Variants in UGT1A7 observed in about 807,000 individuals in gnomAD.
UGT1A7 encodes the protein UDP-glucuronosyltransferase 1A7.
UGT1A7 carries 33 observed loss-of-function variants against 45.6 expected under a neutral mutation model. The observed-to-expected ratio is 0.72, with a 90% CI of 0.55 to 0.97. UGT1A7 has a LOEUF of 0.97. Ranked by LOEUF, UGT1A7 falls within the 50% of genes least tolerant of loss-of-function variation. The pLI is 0.00. For missense variants in UGT1A7, 684 were observed against 666.2 expected (o/e 1.03, Z -0.29); for synonymous variants, 274 against 250.6 (o/e 1.09, Z -0.88).
At chr2:233,752,348 A>G (rs1694949264) in intron 1 of UGT1A7, 1 of 152,154 alleles carries the variant, frequency 6.6e-6, no homozygotes, top group South Asian at 2.1e-4. Context: ...CATGGAGGAA[A>G]TTCATTTTAG....
intron 1 of UGT1A7, chr2:233,713,275 G>A (rs1268736008): frequency 6.2e-7 from 1 of 1,614,224 alleles, no homozygotes; most frequent in South Asian, 1.1e-5. Flanking sequence ...CTTTTGCTGG[G>A]TCACACTCAA....
chr2:233,693,483 C>G, intron 1 of UGT1A7: 1 of 1,614,168 alleles, frequency 6.2e-7, no homozygotes, highest in Non-Finnish European at 8.5e-7. Flanking sequence ...GTGATCCTGG[C>G]TGAGTATTTG....
chr2:233,753,153 C>A (rs1198607979), intron 1 of UGT1A7: 1 of 152,212 alleles, frequency 6.6e-6, no homozygotes, highest in Non-Finnish European at 1.5e-5. Context: ...CATGTAAGTT[C>A]CCTTATCCGG....
chr2:233,765,140 A>C lies in UGT1A7; in HGVS notation c.856-1894A>C, dbSNP rs1698761038. 3.3e-5 allele frequency among the ~76,000 whole-genome samples: 5 copies of C among 152,146 alleles called. No individual in the cohort carries two copies. In the South Asian group the frequency reaches 1.0e-3, roughly 32 times the overall value. ...TGTTCAGGTTTTAGCACTGAACATCACATGTCCTAGGGAACCCCTCAGTTT... is the reference window on the plus strand; with the variant it reads ...TGTTCAGGTTTTAGCACTGAACATCCCATGTCCTAGGGAACCCCTCAGTTT... On this transcript the variant is annotated intron_variant, in intron 1 of 4. Transcript: ENST00000373426.
chr2:233,710,344 G>A (rs1349376826), intron 1 of UGT1A7, among the ~76,000 whole-genome samples: 2 of 152,226 alleles, frequency 1.3e-5, no homozygotes, highest in African/African-American at 2.4e-5. Context: ...CAGTCGAACT[G>A]TTTCCAAAGC....
chr2:233,731,908 A>T (rs2078219373), intron 1 of UGT1A7, among the ~76,000 whole-genome samples: 1 of 152,202 alleles, frequency 6.6e-6, no homozygotes, highest in African/African-American at 2.4e-5. Flanking sequence ...CCAATGGTGT[A>T]AAAGTGTTCC....
At chr2:233,692,695 T>A in intron 1 of UGT1A7, 1 of 372,950 alleles carries the variant, frequency 2.7e-6, no homozygotes, top group Non-Finnish European at 3.7e-6. Context: ...CTCAGGGGTC[T>A]CTCCAAGTCA....
intron 1 of UGT1A7, chr2:233,753,428 T>C (rs1420824589): frequency 6.6e-6 from 1 of 152,236 alleles, no homozygotes; most frequent in East Asian, 1.9e-4. Context: ...ACAGTATTTG[T>C]TGGTTAATGA....
At chr2:233,732,140 G>A (rs1172524883) in intron 1 of UGT1A7, among the ~76,000 whole-genome samples, 1 of 135,546 alleles carries the variant, frequency 7.4e-6, no homozygotes, top group African/African-American at 2.8e-5. Flanking sequence ...TTGTTTGTTT[G>A]TTTTTTTTCT....
chr2:233,762,317 G>A (rs1012731348), intron 1 of UGT1A7, among the ~76,000 whole-genome samples: 5 of 152,210 alleles, frequency 3.3e-5, no homozygotes, highest in African/African-American at 1.2e-4. Flanking sequence ...AATGGGTCGA[G>A]AGTAATCCAC....
chr2:233,685,177 C>T (rs1351794584), intron 1 of UGT1A7, among the ~76,000 whole-genome samples: 1 of 152,014 alleles, frequency 6.6e-6, no homozygotes, highest in African/African-American at 2.4e-5. Context: ...GATCATCATT[C>T]AGGAGAACAT....
At chr2:233,695,125 CTTTTCT>C (rs2075261912) in intron 1 of UGT1A7, among the ~76,000 whole-genome samples, 1 of 113,944 alleles carries the variant, frequency 8.8e-6, no homozygotes, top group East Asian at 2.1e-4. Flanking sequence ...CAACCCTTTT[CTTTTCT>C]TTTTTTTTTT....
chr2:233,768,054 A>T (rs1384127703), intron 3 of UGT1A7, 118 bp downstream of exon 3: 6 of 1,603,138 alleles, frequency 3.7e-6, no homozygotes, highest in Non-Finnish European at 5.1e-6. Context: ...CATATCCTAC[A>T]TTGCTTTTTA....
At chr2:233,690,937 A>G in intron 1 of UGT1A7, 1 of 1,019,074 alleles carries the variant, frequency 9.8e-7, no homozygotes, top group Non-Finnish European at 1.2e-6. Flanking sequence ...TCCTTCCTCC[A>G]ACTCATGTTC....
chr2:233,754,383 A>G (rs1695465574), intron 1 of UGT1A7: 2 of 292,680 alleles, frequency 6.8e-6, no homozygotes, highest in South Asian at 6.9e-5. Flanking sequence ...AAAGACAAAC[A>G]GAGGTCCTAT....
chr2:233,693,569 G>C, intron 1 of UGT1A7: 1 of 1,614,200 alleles, frequency 6.2e-7, no homozygotes, highest in Non-Finnish European at 8.5e-7. Context: ...CCCAGACCCT[G>C]TGTCCTACAT....
intron 1 of UGT1A7, chr2:233,747,600 G>T: frequency 6.3e-7 from 1 of 1,575,586 alleles, no homozygotes; most frequent in Non-Finnish European, 8.7e-7. Context: ...GTCTTGTGTG[G>T]AGCTACTGCA....
At chr2:233,718,085 C>T (rs557969051) in intron 1 of UGT1A7, 1 of 337,650 alleles carries the variant, frequency 3.0e-6, no homozygotes, top group Non-Finnish European at 5.9e-6. Context: ...GTTGTCTTGC[C>T]CATGTGTGCT....
At chr2:233,734,900 C>T (rs1027588472) in intron 1 of UGT1A7, among the ~76,000 whole-genome samples, 1 of 152,158 alleles carries the variant, frequency 6.6e-6, no homozygotes, top group Admixed American at 6.5e-5. Flanking sequence ...GATTTCTATT[C>T]TTTTACATTT....
Sources: gnomAD v4.1 joint callset for allele counts (sites outside exome capture counted in the v4.1 genomes callset) on GRCh38, gnomAD v4.1.1 for gene constraint, MANE v1.5 for transcripts, NCBI Gene and HGNC (gene_info 2026-07-23, HGNC 2026-07-21) for gene names.